The following DCST1 variants were observed in gnomAD, a reference collection of about 807,000 sequenced individuals.
The protein encoded by DCST1 is DC-STAMP domain containing 1.
Under a neutral mutation model 89.1 loss-of-function variants are expected in DCST1, and 78 were observed. That is an observed-to-expected ratio of 0.88 (90% CI 0.73 to 1.06). DCST1 has a LOEUF of 1.06. Ranked by LOEUF, DCST1 falls within the 50% of genes least tolerant of loss-of-function variation. The pLI, the probability that DCST1 is intolerant of heterozygous loss-of-function variation, is 0.00. For synonymous variants in DCST1, 364 were observed against 371.9 expected, an observed-to-expected ratio of 0.98 and a Z score of 0.24; for missense variants, 900 against 928.6, an observed-to-expected ratio of 0.97 and a Z score of 0.40.
Position 155,037,480 on chromosome 1 carries a change from G to A in DCST1, c.263-1923G>A, listed in dbSNP as rs1170768402. ...TTTTTTTAAGACAGAGTCTTGCTCTGTCCCCCAGGCTGGAATGCAGTGGCA... is the reference window on the plus strand; with the variant it reads ...TTTTTTTAAGACAGAGTCTTGCTCTATCCCCCAGGCTGGAATGCAGTGGCA... On this transcript the variant is annotated intron_variant, in intron 4 of 16. Coordinates refer to ENST00000295542, the MANE Select transcript of DCST1 (RefSeq NM_152494.4). Among the ~76,000 whole-genome samples the A allele has an allele frequency of 6.9e-5, 8 of 116,724 alleles. No individual in the cohort carries two copies. The East Asian group carries it at 7.3e-4, about 11-fold the overall frequency. The allele number at this position is 116,724 out of a possible 152,430, so 76.6% of individuals were successfully genotyped here.
At chr1:155,041,266 C>G in intron 6 of DCST1, 131 bp from the exon 7 acceptor site, 1 of 900,328 alleles carries the variant, frequency 1.1e-6, no homozygotes, top group Non-Finnish European at 1.7e-6. Context: ...GGCTGTGTCT[C>G]AGGGCCTAGG....
chr1:155,041,466 G>A lies in DCST1; in HGVS notation c.601G>A (p.Val201Met), dbSNP rs1660438291. ...CACTTTTGAGGACCTGGATGCCCAG[G>A]TGAATAGTGAGACGGGCTACACGCC... ...SATFEDLDAQ[V>M]NSETGYTPED... The change falls in exon 7 of 17, where the codon GTG becomes ATG. Residue 201 changes from valine (V) to methionine (M), a missense_variant. Val to Met is a conservative substitution (Grantham distance 21). Transcript: ENST00000295542. 1 of 1,614,078 alleles carries A rather than the reference G, an allele frequency of 6.2e-7. No homozygotes were observed. The highest frequency in any genetic ancestry group is 8.5e-7 in the Non-Finnish European group (1 of 1,180,028).
intron 8 of DCST1, 32 bp downstream of exon 8, chr1:155,041,889 C>T (rs1010900429): frequency 1.1e-5 from 18 of 1,612,972 alleles, no homozygotes; most frequent in East Asian, 4.5e-5. Flanking sequence ...TGGGGAGCAT[C>T]GGGGTAGGGA....
Position 155,043,730 on chromosome 1 carries a change from T to C in DCST1, c.1172+221T>C, listed in dbSNP as rs1268808224. Reference sequence around the variant, plus strand: ...TGCCTTAAAAGGCCAACCGTCTTCATTCATCCACCTCCTTCCAGCCTTTAT... The same window carrying C: ...TGCCTTAAAAGGCCAACCGTCTTCACTCATCCACCTCCTTCCAGCCTTTAT... On this transcript the variant is annotated intron_variant, in intron 10 of 16. Coordinates refer to ENST00000295542, the MANE Select transcript of DCST1 (RefSeq NM_152494.4). Among the ~76,000 whole-genome samples, 25 of 152,228 alleles carry C rather than the reference T, an allele frequency of 1.6e-4. 1 individual carries two copies. The highest frequency in any genetic ancestry group is 7.3e-5 in the Non-Finnish European group (5 of 68,034).
In DCST1 at chr1:155,050,386, G is replaced by A. The variant is rs570197405; in HGVS notation, c.1870-231G>A. 9.2e-5 allele frequency among the ~76,000 whole-genome samples: 14 copies of A among 152,366 alleles called. No homozygotes were observed. The South Asian group carries it at 2.9e-3, about 32-fold the overall frequency. On this transcript the variant is annotated intron_variant, in intron 16 of 16. Coordinates refer to ENST00000295542, the MANE Select transcript of DCST1 (RefSeq NM_152494.4). Reference sequence around the variant, plus strand: ...GATTTACAGGAAAGTGCAAATGAGAGTTGTGGCTGATATCCGCTTGGAGAG... The same window carrying A: ...GATTTACAGGAAAGTGCAAATGAGAATTGTGGCTGATATCCGCTTGGAGAG...
chr1:155,035,507 G>T (rs975007784), intron 4 of DCST1, among the ~76,000 whole-genome samples: 1 of 152,090 alleles, frequency 6.6e-6, no homozygotes, highest in African/African-American at 2.4e-5. Context: ...AAGGACTCAG[G>T]TTCCTTCTGT....
intron 4 of DCST1, 151 bp from the exon 5 acceptor site, chr1:155,039,252 C>G: frequency 1.1e-6 from 1 of 889,930 alleles, no homozygotes. Context: ...ATGAGTGGCC[C>G]AGCAGGTCTA....
In DCST1 at chr1:155,041,418, G is replaced by C; in HGVS notation, c.553G>C (p.Ala185Pro). Residue 185 changes from alanine to proline, a missense_variant, in exon 7 of 17, where the codon GCA (alanine) becomes CCA (proline). Physicochemically the swap from Ala to Pro is conservative, Grantham distance 27. Coordinates refer to ENST00000295542, the MANE Select transcript of DCST1 (RefSeq NM_152494.4). ...CCAGAGTAGCAAAGAATTGCTGAGAGCAGAGACTCGGAACATCTCCGCCAC... is the reference window on the plus strand; with the variant it reads ...CCAGAGTAGCAAAGAATTGCTGAGACCAGAGACTCGGAACATCTCCGCCAC... ...DLLSSKELLR[A>P]ETRNISATFE... The C allele has an allele frequency of 6.2e-7, 1 of 1,613,822 alleles. No individual in the cohort carries two copies. Among genetic ancestry groups the C allele is most frequent in the Non-Finnish European group, 8.5e-7 (1 of 1,180,036 alleles).
intron 10 of DCST1, among the ~76,000 whole-genome samples, chr1:155,044,009 T>C (rs1660522639): frequency 6.6e-6 from 1 of 152,186 alleles, no homozygotes; most frequent in Admixed American, 6.5e-5. Context: ...GGACCCTCTA[T>C]TTCCCATCTC....
chr1:155,049,722 G>A (rs973331332), intron 16 of DCST1, among the ~76,000 whole-genome samples: 14 of 152,064 alleles, frequency 9.2e-5, no homozygotes, highest in African/African-American at 3.4e-4. Context: ...TTTCCCTAGG[G>A]CCTGGATACC....
At position 155,034,720 on chromosome 1, in the gene DCST1, C is replaced by G. The variant is rs1660217587; in HGVS notation, c.255C>G (p.Ser85Arg). The G allele has an allele frequency of 6.2e-7, 1 of 1,614,062 alleles. No individual in the cohort carries two copies. The highest frequency in any genetic ancestry group is 8.5e-7 in the Non-Finnish European group (1 of 1,180,050). Residue 85 changes from serine (S) to arginine (R), a missense_variant, in exon 4 of 17, where the codon AGC (serine) becomes AGG (arginine). By Grantham distance (110) the Ser-to-Arg change is moderately radical. Coordinates refer to ENST00000295542, the MANE Select transcript of DCST1 (RefSeq NM_152494.4). The part of the protein sequence containing the change: ...YEEQKIMFLY[S>R]LVGLGAMGWG... ...AACAGAAGATTATGTTCTTGTACAGCTTGGTGGGTTAGTGCTGGGCAAAAG... is the reference window on the plus strand; with the variant it reads ...AACAGAAGATTATGTTCTTGTACAGGTTGGTGGGTTAGTGCTGGGCAAAAG...
intron 6 of DCST1, 35 bp downstream of exon 6, chr1:155,040,659 CCT>C: frequency 6.6e-7 from 1 of 1,524,944 alleles, no homozygotes; most frequent in Non-Finnish European, 8.9e-7. Flanking sequence ...CTGGGGGGTC[CCT>C]CTCCCTGGGG....
Position 155,034,718 on chromosome 1 carries a change from A to G in DCST1, c.253A>G (p.Ser85Gly), listed in dbSNP as rs201300636. 1.1e-4 allele frequency: 180 copies of G among 1,614,202 alleles called. 1 individual carries two copies. Among genetic ancestry groups the G allele is most frequent in the East Asian group, 4.5e-5 (2 of 44,884 alleles). ...AGAACAGAAGATTATGTTCTTGTAC[A>G]GCTTGGTGGGTTAGTGCTGGGCAAA... ...YEEQKIMFLY[S>G]LVGLGAMGWG... is the part of the protein sequence containing the mutation. The change falls in exon 4 of 17, where the codon AGC (serine) becomes GGC (glycine). Residue 85 changes from serine (S) to glycine (G), a missense_variant. Physicochemically the swap from Ser to Gly is moderately conservative, Grantham distance 56. Coordinates refer to ENST00000295542, the MANE Select transcript of DCST1 (RefSeq NM_152494.4).
intron 4 of DCST1, among the ~76,000 whole-genome samples, chr1:155,038,299 G>A (rs989974920): frequency 2.0e-5 from 3 of 152,242 alleles, no homozygotes; most frequent in African/African-American, 7.2e-5. Flanking sequence ...TCACAAGCTA[G>A]GTAGACCATG....
intron 13 of DCST1, 64 bp downstream of exon 13, chr1:155,046,550 G>GCACAGCCA: frequency 6.5e-7 from 1 of 1,546,380 alleles, no homozygotes; most frequent in Non-Finnish European, 8.8e-7. Context: ...TCCAATGCCT[G>GCACAGCCA]CACAGCCACC....
rs1283054095 is a variant in DCST1, at chr1:155,034,649, T to G, written c.188-4T>G. 1 of 1,614,196 alleles carries G rather than the reference T, an allele frequency of 6.2e-7. No homozygotes were observed. ...TGGCCTTTGGCTTGACCTTGTGCCCTTAGGTCTCTTTCAGCTCCTGGTGAA... is the reference window on the plus strand; with the variant it reads ...TGGCCTTTGGCTTGACCTTGTGCCCGTAGGTCTCTTTCAGCTCCTGGTGAA... On this transcript the variant is annotated splice_polypyrimidine_tract_variant and splice_region_variant and intron_variant, in intron 3 of 16. Transcript: ENST00000295542.
chr1:155,040,453 G>T, intron 5 of DCST1, 32 bp from the exon 6 acceptor site: 1 of 1,586,174 alleles, frequency 6.3e-7, no homozygotes, highest in Non-Finnish European at 8.6e-7. Flanking sequence ...TGGTTATACA[G>T]GGAGGTGACC....
chr1:155,040,870 C>G (rs1017789118), intron 6 of DCST1, among the ~76,000 whole-genome samples: 7 of 152,206 alleles, frequency 4.6e-5, no homozygotes, highest in Admixed American at 3.3e-4. Context: ...GTACTCTGGA[C>G]AGCTGAACTA....
chr1:155,047,262 T>C lies in DCST1; in HGVS notation c.1562T>C (p.Ile521Thr), dbSNP rs139043706. 331 of 1,614,140 alleles carry C rather than the reference T, an allele frequency of 2.1e-4. 1 individual carries two copies. The highest frequency in any genetic ancestry group is 4.8e-4 in the South Asian group (44 of 91,088). Residue 521 changes from isoleucine (I) to threonine (T), a missense_variant, in exon 14 of 17, where the codon ATT becomes ACT. Ile to Thr is a moderately conservative substitution (Grantham distance 89, BLOSUM62 -1). Transcript: ENST00000295542. Reference protein sequence around the residue: ...SMLARLLRKTIGALNTSSETV... With the variant: ...SMLARLLRKTTGALNTSSETV... ...CTAGCCCGGCTTCTTCGAAAAACCA[T>C]TGGGGCCCTGAACACCTCCTCAGAG...
Sources: gnomAD v4.1 joint callset for allele counts (sites outside exome capture counted in the v4.1 genomes callset) on GRCh38, gnomAD v4.1.1 for gene constraint, MANE v1.5 for transcripts, NCBI Gene and HGNC (gene_info 2026-07-23, HGNC 2026-07-21) for gene names.